The following DNER variants were observed in gnomAD, a reference collection of about 807,000 sequenced individuals.
DNER encodes delta/notch like EGF repeat containing.
A neutral mutation model predicts 78.2 loss-of-function variants in DNER; 33 were observed. That is an observed-to-expected ratio of 0.42 (90% CI 0.32 to 0.56). The LOEUF (loss-of-function observed/expected upper bound fraction) is 0.56. Ranked by LOEUF, DNER falls within the 20% of genes least tolerant of loss-of-function variation. The pLI, the probability that DNER is intolerant of heterozygous loss-of-function variation, is 0.11. For synonymous variants in DNER, 417 were observed against 384.8 expected, an observed-to-expected ratio of 1.08 and a Z score of -0.98; for missense variants, 918 against 975.3, an observed-to-expected ratio of 0.94 and a Z score of 0.78.
At chr2:229,408,116 C>T (rs1457313037) in intron 9 of DNER, among the ~76,000 whole-genome samples, 1 of 151,798 alleles carries the variant, frequency 6.6e-6, no homozygotes, top group Non-Finnish European at 1.5e-5. Context: ...TTTAAAAAAT[C>T]TGTAAAGTAA....
chr2:229,576,060 T>C (rs1032248941), intron 4 of DNER, among the ~76,000 whole-genome samples: 16 of 152,128 alleles, frequency 1.1e-4, no homozygotes, highest in African/African-American at 3.4e-4. Flanking sequence ...CATTGGAACA[T>C]TCCAATGGTT....
chr2:229,665,264 A>G (rs1352454747), intron 1 of DNER, among the ~76,000 whole-genome samples: 1 of 152,180 alleles, frequency 6.6e-6, no homozygotes, highest in East Asian at 1.9e-4. Context: ...GCCAGATTGA[A>G]GAAACTAATT....
chr2:229,689,295 C>A lies in DNER; in HGVS notation c.276+24853G>T, dbSNP rs530197735. Among the ~76,000 whole-genome samples, 33 of 152,324 alleles carry A rather than the reference C, an allele frequency of 2.2e-4. 2 individuals are homozygous for A. The South Asian group carries it at 6.9e-3, about 32-fold the overall frequency. On this transcript the variant is annotated intron_variant, in intron 1 of 12. Transcript: ENST00000341772. ...TTGAACACAGGGAGTTAGCTGATTT[C>A]TCCCAAAGCTGCTGAGCAGGTGGCT...
intron 1 of DNER, among the ~76,000 whole-genome samples, chr2:229,592,701 G>GA (rs1198342976): frequency 6.6e-6 from 1 of 151,870 alleles, no homozygotes; most frequent in Non-Finnish European, 1.5e-5. Flanking sequence ...AAAACAATGT[G>GA]AAAAAATCAC....
chr2:229,473,708 C>T (rs6707345), intron 7 of DNER, among the ~76,000 whole-genome samples: 152,276 of 152,278 alleles, frequency 1, 76,137 homozygotes, highest in Non-Finnish European at 1. Flanking sequence ...AAAATACATT[C>T]CCTTTCCTCA....
chr2:229,512,351 C>T (rs1695880481), intron 6 of DNER, among the ~76,000 whole-genome samples: 2 of 144,650 alleles, frequency 1.4e-5, no homozygotes, highest in South Asian at 4.4e-4. Flanking sequence ...CCATTGCACT[C>T]CAGACTGGGA....
At chr2:229,614,377 A>C (rs1206307482) in intron 1 of DNER, among the ~76,000 whole-genome samples, 1 of 152,186 alleles carries the variant, frequency 6.6e-6, no homozygotes, top group Non-Finnish European at 1.5e-5. Context: ...AAGATCCATC[A>C]GAAAAAAACA....
At chr2:229,561,468 T>A (rs1405433440) in intron 4 of DNER, among the ~76,000 whole-genome samples, 1 of 152,094 alleles carries the variant, frequency 6.6e-6, no homozygotes, top group African/African-American at 2.4e-5. Flanking sequence ...TTTATAAACA[T>A]CTCAGGTACA....
intron 10 of DNER, among the ~76,000 whole-genome samples, chr2:229,394,390 A>G (rs1693087181): frequency 6.6e-6 from 1 of 151,776 alleles, no homozygotes; most frequent in African/African-American, 2.4e-5. Context: ...TTCTCTTCGT[A>G]AGTCCCTATT....
chr2:229,505,425 A>G (rs1695718678), intron 6 of DNER, among the ~76,000 whole-genome samples: 1 of 152,130 alleles, frequency 6.6e-6, no homozygotes, highest in Non-Finnish European at 1.5e-5. Context: ...CCTGATCAGG[A>G]TTTGTGCTAA....
chr2:229,516,851 T>C (rs1335723757), intron 5 of DNER, among the ~76,000 whole-genome samples: 1 of 149,280 alleles, frequency 6.7e-6, no homozygotes, highest in Non-Finnish European at 1.5e-5. Context: ...CTCACCCCTG[T>C]AATCCCAGCA....
intron 4 of DNER, among the ~76,000 whole-genome samples, chr2:229,584,727 A>G (rs948108988): frequency 1.1e-4 from 17 of 151,970 alleles, no homozygotes; most frequent in Admixed American, 4.6e-4. Flanking sequence ...TCAGGAGATC[A>G]AGACCATCCT....
intron 1 of DNER, among the ~76,000 whole-genome samples, chr2:229,621,397 G>A (rs563794904): frequency 6.6e-6 from 1 of 152,150 alleles, no homozygotes; most frequent in Admixed American, 6.5e-5. Context: ...GCCCTGGAGA[G>A]GCTGGCCCCG....
chr2:229,369,483 A>T (rs1192440118), intron 11 of DNER, among the ~76,000 whole-genome samples: 1 of 146,338 alleles, frequency 6.8e-6, no homozygotes, highest in Non-Finnish European at 1.5e-5. Flanking sequence ...CTAAAAAGTT[A>T]AAAAAAAAAA....
At chr2:229,683,866 G>T (rs1390434812) in intron 1 of DNER, among the ~76,000 whole-genome samples, 2 of 152,098 alleles carry the variant, frequency 1.3e-5, no homozygotes, top group Non-Finnish European at 2.9e-5. Context: ...CATGGGGGCT[G>T]TACAGCAGGG....
At chr2:229,407,660 A>C (rs944526677) in intron 9 of DNER, among the ~76,000 whole-genome samples, 4 of 152,210 alleles carry the variant, frequency 2.6e-5, no homozygotes, top group African/African-American at 9.7e-5. Context: ...TCAATAGCAA[A>C]TGCTTTATAA....
At chr2:229,431,780 T>G (rs146186544) in intron 8 of DNER, among the ~76,000 whole-genome samples, 1,934 of 150,054 alleles carry the variant, frequency 0.013, 52 homozygotes, top group African/African-American at 0.046. Flanking sequence ...AAACTTAAAG[T>G]ATAATAATAA....
intron 6 of DNER, among the ~76,000 whole-genome samples, chr2:229,491,728 C>G (rs1695403148): frequency 6.6e-6 from 1 of 152,094 alleles, no homozygotes; most frequent in Non-Finnish European, 1.5e-5. Context: ...TCCTTGATGT[C>G]TGACAGCCTT....
chr2:229,647,851 A>G (rs1277492266), intron 1 of DNER, among the ~76,000 whole-genome samples: 1 of 152,234 alleles, frequency 6.6e-6, no homozygotes, highest in African/African-American at 2.4e-5. Context: ...TCTATGACAT[A>G]TTTGCATATA....
Sources: allele counts gnomAD v4.1 joint callset (sites outside exome capture counted in the v4.1 genomes callset), GRCh38; gene constraint gnomAD v4.1.1; transcripts MANE v1.5; gene names NCBI Gene and HGNC (gene_info 2026-07-23, HGNC 2026-07-21).